Variants in MFN1 observed in about 807,000 individuals in gnomAD.
MFN1 encodes the protein mitofusin-1.
A neutral mutation model predicts 92.4 loss-of-function variants in MFN1; 65 were observed. That is an observed-to-expected ratio of 0.70 (90% CI 0.58 to 0.86). The LOEUF is 0.86. Ranked by LOEUF, MFN1 falls within the 40% of genes least tolerant of loss-of-function variation. The pLI, the probability that MFN1 is intolerant of heterozygous loss-of-function variation, is 0.00. For missense variants in MFN1, 781 were observed against 868.0 expected (o/e 0.90, Z 1.26); for synonymous variants, 297 against 300.9 (o/e 0.99, Z 0.13).
intron 9 of MFN1, among the ~76,000 whole-genome samples, chr3:179,370,089 A>T (rs922258805): frequency 1.3e-5 from 2 of 152,174 alleles, no homozygotes; most frequent in Non-Finnish European, 2.9e-5. Context: ...AATTACATTG[A>T]AAGTTTTAGT....
chr3:179,374,699 G>C (rs1178347468), intron 9 of MFN1, among the ~76,000 whole-genome samples: 3 of 152,044 alleles, frequency 2.0e-5, no homozygotes, highest in Admixed American at 2.0e-4. Context: ...ATTGTTAAAT[G>C]TTAGCTTTCA....
chr3:179,385,311 C>T (rs1713636401), intron 14 of MFN1, among the ~76,000 whole-genome samples: 1 of 150,782 alleles, frequency 6.6e-6, no homozygotes, highest in African/African-American at 2.4e-5. Flanking sequence ...CACTTTGTTC[C>T]TCTTGAGAGT....
chr3:179,379,962 C>A (rs1286092067), intron 14 of MFN1, among the ~76,000 whole-genome samples: 1 of 152,134 alleles, frequency 6.6e-6, no homozygotes, highest in African/African-American at 2.4e-5. Context: ...AGATCTTGAT[C>A]ATGCATTGAA....
chr3:179,361,855 C>G (rs968129469), intron 4 of MFN1, among the ~76,000 whole-genome samples: 24 of 152,166 alleles, frequency 1.6e-4, no homozygotes, highest in African/African-American at 5.3e-4. Context: ...CACTTTTAAG[C>G]AAGAAGATGC....
At chr3:179,353,608 T>C (rs987521642) in intron 3 of MFN1, among the ~76,000 whole-genome samples, 2 of 152,200 alleles carry the variant, frequency 1.3e-5, no homozygotes, top group African/African-American at 4.8e-5. Flanking sequence ...TTCCAAAATT[T>C]TCAACTCCAT....
chr3:179,388,989 G>A (rs143879230), intron 16 of MFN1, among the ~76,000 whole-genome samples: 23 of 152,314 alleles, frequency 1.5e-4, no homozygotes, highest in African/African-American at 5.3e-4. Context: ...TTCTAGAACA[G>A]ATAACTTTGC....
At chr3:179,366,084 C>CT (rs200282700) in intron 7 of MFN1, among the ~76,000 whole-genome samples, 43 of 151,610 alleles carry the variant, frequency 2.8e-4, no homozygotes, top group East Asian at 2.5e-3. Flanking sequence ...TCTGAAGATA[C>CT]TTTTTTTTTG....
intron 4 of MFN1, among the ~76,000 whole-genome samples, chr3:179,360,969 C>G (rs932196306): frequency 5.3e-5 from 8 of 151,936 alleles, no homozygotes; most frequent in Non-Finnish European, 1.5e-5. Flanking sequence ...ACAAAAAATA[C>G]AAAAATTAGC....
chr3:179,354,272 C>T (rs1712264185), intron 3 of MFN1, among the ~76,000 whole-genome samples: 2 of 152,146 alleles, frequency 1.3e-5, no homozygotes, highest in South Asian at 4.1e-4. Context: ...GTAGGGAGAC[C>T]ACAGTGTGTT....
At position 179,358,983 on chromosome 3, in the gene MFN1, A is replaced by T; in HGVS notation, c.392A>T (p.Asp131Val). 6.2e-7 allele frequency: 1 copy of T among 1,613,914 alleles called. No homozygotes were observed. The highest frequency in any genetic ancestry group is 1.1e-5 in the South Asian group (1 of 91,044). Residue 131 changes from aspartate (D) to valine (V), a missense_variant, in exon 4 of 18, where the codon GAT (aspartate) becomes GTT (valine). Transcript: ENST00000471841. Reference sequence around the variant, plus strand: ...GCCTATCTTATGACAGAAGGATCAGATGAAAAAAAGAGTGTGAAGGTATGA... The same window carrying T: ...GCCTATCTTATGACAGAAGGATCAGTTGAAAAAAAGAGTGTGAAGGTATGA... Reference protein sequence around the residue: ...DKAYLMTEGSDEKKSVKTVNQ... With the variant: ...DKAYLMTEGSVEKKSVKTVNQ...
chr3:179,365,519 T>C (rs1328794424), intron 7 of MFN1, among the ~76,000 whole-genome samples: 2 of 152,190 alleles, frequency 1.3e-5, no homozygotes, highest in Non-Finnish European at 2.9e-5. Flanking sequence ...TCCTTCCAGT[T>C]TGGCTTCCTA....
chr3:179,391,322 T>G (rs1038231343), intron 17 of MFN1, among the ~76,000 whole-genome samples: 4 of 152,176 alleles, frequency 2.6e-5, no homozygotes, highest in African/African-American at 9.6e-5. Flanking sequence ...TGAATATTTT[T>G]GGTCTGCTAA....
In MFN1 at chr3:179,363,443, G is replaced by C. The variant is rs569232302; in HGVS notation, c.537-854G>C. 5.3e-5 allele frequency among the ~76,000 whole-genome samples: 8 copies of C among 151,984 alleles called. No individual in the cohort carries two copies. The South Asian group carries it at 1.7e-3, about 32-fold the overall frequency. On this transcript the variant is annotated intron_variant, in intron 5 of 17. Transcript: ENST00000471841. ...CTAAAAGAATATAATTGTATTGTTT[G>C]TAATACAAAGAATAAATGCTTGAGG...
intron 9 of MFN1, 32 bp downstream of exon 9, chr3:179,368,135 A>G (rs375012317): frequency 2.0e-6 from 3 of 1,474,218 alleles, no homozygotes; most frequent in African/African-American, 1.4e-5. Flanking sequence ...TGCCTAATAC[A>G]AAACTCTTTC....
intron 3 of MFN1, among the ~76,000 whole-genome samples, chr3:179,354,411 A>G (rs973772543): frequency 1.3e-5 from 2 of 152,204 alleles, no homozygotes; most frequent in African/African-American, 4.8e-5. Flanking sequence ...GCATTCTTTT[A>G]TTTTGGAAAA....
chr3:179,362,686 A>G (rs1452977129), intron 5 of MFN1, among the ~76,000 whole-genome samples: 7 of 152,148 alleles, frequency 4.6e-5, no homozygotes. Context: ...ATTTCAAGAA[A>G]TTTTAAGGAT....
At chr3:179,350,283 C>A (rs1357929834) in intron 2 of MFN1, among the ~76,000 whole-genome samples, 1 of 151,866 alleles carries the variant, frequency 6.6e-6, no homozygotes, top group East Asian at 1.9e-4. Flanking sequence ...TCTCTCCCAA[C>A]CCTCTCTTAC....
In MFN1 at chr3:179,394,079, CT is replaced by C; in HGVS notation, c.*2021del. ...TGCAGGCTGGTCTTGAACTCACAGA[CT>C]CAAGTGATCCTTTTACCTCAGCCTC... On this transcript the variant is annotated 3_prime_UTR_variant, in exon 18 of 18. Transcript: ENST00000471841. 6.6e-6 allele frequency: 1 copy of C among 152,322 alleles called. No individual in the cohort carries two copies. The highest frequency in any genetic ancestry group is 6.5e-5 in the Admixed American group (1 of 15,300). The allele number at this position is 152,322 out of a possible 1,614,324, so 9.4% of individuals were successfully genotyped here.
chr3:179,383,904 GT>G (rs1713572250), intron 14 of MFN1, among the ~76,000 whole-genome samples: 7 of 152,136 alleles, frequency 4.6e-5, no homozygotes, highest in Non-Finnish European at 8.8e-5. Context: ...TAGGAAATTT[GT>G]GAAATTGTAA....
Sources: gnomAD v4.1 joint callset for allele counts (sites outside exome capture counted in the v4.1 genomes callset) on GRCh38, gnomAD v4.1.1 for gene constraint, MANE v1.5 for transcripts, NCBI Gene and HGNC (gene_info 2026-07-23, HGNC 2026-07-21) for gene names.